The following DCAF17 variants were observed in gnomAD, a reference collection of about 807,000 sequenced individuals.
DCAF17 encodes the protein DDB1 and CUL4 associated factor 17.
In DCAF17, 48 loss-of-function variants were observed where a neutral mutation model predicts 66.0. The observed-to-expected ratio is 0.73, with a 90% CI of 0.58 to 0.92. The LOEUF (loss-of-function observed/expected upper bound fraction) is 0.92, where lower values mean the gene tolerates loss of function less well. DCAF17 is among the 40% of genes least tolerant of loss of function. DCAF17 has a pLI of 0.00. For synonymous variants in DCAF17, 206 were observed against 214.6 expected (o/e 0.96, Z 0.35); for missense variants, 562 against 622.8 (o/e 0.90, Z 1.04).
intron 12 of DCAF17, 60 bp downstream of exon 12, chr2:171,478,130 T>C (rs777356827): frequency 1.4e-6 from 2 of 1,422,796 alleles, no homozygotes; most frequent in Non-Finnish European, 2.0e-6. Context: ...GTGAATTTCA[T>C]ATTAATACTT....
At chr2:171,445,489 A>G (rs2105742155) in intron 3 of DCAF17, among the ~76,000 whole-genome samples, 1 of 152,280 alleles carries the variant, frequency 6.6e-6, no homozygotes, top group African/African-American at 2.4e-5. Context: ...TTCTCTTAAG[A>G]AAAACCAGGA....
Position 171,484,588 on chromosome 2 carries a change from TTTTGA to T in DCAF17, c.*3478_*3482del. On this transcript the variant is annotated 3_prime_UTR_variant, in exon 14 of 14. Coordinates refer to ENST00000375255, the MANE Select transcript of DCAF17 (RefSeq NM_025000.4). ...TAGTATTTATTTAGTTTTTAAATTTTTTTGATTTAAGATTTACCTGCAATAAAATG... is the reference window on the plus strand; with the variant it reads ...TAGTATTTATTTAGTTTTTAAATTTTTTTAAGATTTACCTGCAATAAAATG... 2.2e-6 allele frequency: 1 copy of T among 452,062 alleles called. No individual in the cohort carries two copies. Among genetic ancestry groups the T allele is most frequent in the African/African-American group, 2.0e-5 (1 of 49,976 alleles). 28.0% of individuals were successfully genotyped at this position (452,062 alleles called of 1,614,324 possible).
chr2:171,470,293 C>CT (rs1156406696), intron 9 of DCAF17, among the ~76,000 whole-genome samples: 92 of 148,844 alleles, frequency 6.2e-4, no homozygotes, highest in African/African-American at 1.6e-3. Flanking sequence ...GAAGAATTTG[C>CT]TTTTTTTTTT....
chr2:171,462,409 A>G (rs1346942528), intron 8 of DCAF17, among the ~76,000 whole-genome samples: 1 of 152,210 alleles, frequency 6.6e-6, no homozygotes, highest in East Asian at 1.9e-4. Context: ...AAATGATCAA[A>G]GGATATTGTT....
chr2:171,478,142 C>T, intron 12 of DCAF17, 72 bp downstream of exon 12: 1 of 1,365,492 alleles, frequency 7.3e-7, no homozygotes, highest in Non-Finnish European at 1.0e-6. Flanking sequence ...TTAATACTTC[C>T]CCATATCCTG....
chr2:171,462,556 C>T (rs368631365), intron 8 of DCAF17, among the ~76,000 whole-genome samples: 8 of 152,082 alleles, frequency 5.3e-5, no homozygotes, highest in Admixed American at 1.3e-4. Context: ...TTAGAACTTT[C>T]GATACAATAT....
intron 2 of DCAF17, 69 bp downstream of exon 2, chr2:171,435,255 C>G (rs903273404): frequency 8.4e-7 from 1 of 1,196,220 alleles, no homozygotes; most frequent in Admixed American, 1.7e-5. Flanking sequence ...TTGTATAGAA[C>G]CACATGCCTA....
chr2:171,451,437 C>T (rs1694947565), intron 5 of DCAF17, among the ~76,000 whole-genome samples: 1 of 152,070 alleles, frequency 6.6e-6, no homozygotes, highest in Non-Finnish European at 1.5e-5. Flanking sequence ...TACTACCTTG[C>T]TTTTACTTTG....
Position 171,476,840 on chromosome 2 carries a change from A to T in DCAF17, c.1092-20A>T. On this transcript the variant is annotated intron_variant, in intron 10 of 13. Coordinates refer to ENST00000375255, the MANE Select transcript of DCAF17 (RefSeq NM_025000.4). ...GTGTTTTGAAGTCTTAGGTTCTCAG[A>T]ATCCTTTTTCCCTTCTCAGAGTTTT... 1 of 1,592,336 alleles carries T rather than the reference A, an allele frequency of 6.3e-7. No individual in the cohort carries two copies. Among genetic ancestry groups the T allele is most frequent in the Non-Finnish European group, 8.6e-7 (1 of 1,160,496 alleles).
chr2:171,484,021 A>C lies in DCAF17; in HGVS notation c.*2907A>C, dbSNP rs1242125830. ...GTTTTTTACTGATGATTCAGTGTCT[A>C]AATTTTGAACAAATTTGGGTAAGAT... On this transcript the variant is annotated 3_prime_UTR_variant, in exon 14 of 14. Transcript: ENST00000375255. The C allele has an allele frequency of 8.8e-6, 4 of 453,954 alleles. No individual in the cohort carries two copies. The highest frequency in any genetic ancestry group is 2.0e-5 in the African/African-American group (1 of 50,128). The allele number at this position is 453,954 out of a possible 1,614,324, so 28.1% of individuals were successfully genotyped here.
chr2:171,471,933 T>C (rs1248962398), intron 9 of DCAF17, among the ~76,000 whole-genome samples: 1 of 151,922 alleles, frequency 6.6e-6, no homozygotes, highest in East Asian at 1.9e-4. Flanking sequence ...GAGAATTGAT[T>C]GAGGCCAAGA....
intron 8 of DCAF17, among the ~76,000 whole-genome samples, chr2:171,462,003 T>C (rs182771210): frequency 6.6e-6 from 1 of 152,230 alleles, no homozygotes; most frequent in South Asian, 2.1e-4. Context: ...TAACCCACTT[T>C]TTGATGTTAA....
chr2:171,470,996 AT>A (rs1188614045), intron 9 of DCAF17, among the ~76,000 whole-genome samples: 1 of 152,170 alleles, frequency 6.6e-6, no homozygotes, highest in African/African-American at 2.4e-5. Context: ...GGGTTTTGGT[AT>A]TTGTGAGGGG....
intron 6 of DCAF17, 113 bp from the exon 7 acceptor site, chr2:171,457,858 G>T (rs1695345988): frequency 3.5e-6 from 3 of 866,722 alleles, no homozygotes; most frequent in Non-Finnish European, 4.0e-6. Flanking sequence ...ATGCTAGGCG[G>T]CAGTGTTATC....
At chr2:171,445,881 T>C (rs1264252920) in intron 3 of DCAF17, among the ~76,000 whole-genome samples, 1 of 151,756 alleles carries the variant, frequency 6.6e-6, no homozygotes, top group Non-Finnish European at 1.5e-5. Context: ...TGGGGTTTTG[T>C]CATGTTGCCT....
At chr2:171,478,143 C>T (rs1696584584) in intron 12 of DCAF17, 73 bp downstream of exon 12, 1 of 1,362,016 alleles carries the variant, frequency 7.3e-7, no homozygotes, top group Non-Finnish European at 1.0e-6. Context: ...TAATACTTCC[C>T]CATATCCTGG....
intron 2 of DCAF17, among the ~76,000 whole-genome samples, chr2:171,441,153 A>G (rs1034422958): frequency 7.9e-5 from 12 of 152,142 alleles, no homozygotes; most frequent in Admixed American, 6.5e-4. Flanking sequence ...TAGTGCTCCT[A>G]GGCCTTAACT....
At chr2:171,460,792 G>A (rs947716206) in intron 8 of DCAF17, among the ~76,000 whole-genome samples, 1 of 151,864 alleles carries the variant, frequency 6.6e-6, no homozygotes, top group Non-Finnish European at 1.5e-5. Flanking sequence ...TACCTCATCC[G>A]CCCAAAGTGC....
At position 171,483,539 on chromosome 2, in the gene DCAF17, T is replaced by A. The variant is rs12151641; in HGVS notation, c.*2425T>A. 100,153 of 453,926 alleles carry A rather than the reference T, an allele frequency of 0.22. 11,903 individuals are homozygous for A. The highest frequency in any genetic ancestry group is 0.32 in the Admixed American group (13,711 of 42,548). The allele number at this position is 453,926 out of a possible 1,614,324, so 28.1% of individuals were successfully genotyped here. A position where few individuals can be genotyped will look rare whatever the true frequency, so the allele number is the denominator to read the frequency against. On this transcript the variant is annotated 3_prime_UTR_variant, in exon 14 of 14. Transcript: ENST00000375255. ...CAACTCTGGGAGAAAACAAAACAAA[T>A]CCTATCCTATTTACTATTTGTGCTA...
Sources: gnomAD v4.1 joint callset for allele counts (sites outside exome capture counted in the v4.1 genomes callset) on GRCh38, gnomAD v4.1.1 for gene constraint, MANE v1.5 for transcripts, NCBI Gene and HGNC (gene_info 2026-07-23, HGNC 2026-07-21) for gene names.